FSTL5: variants seen among roughly 807,000 people sequenced by gnomAD.
FSTL5 encodes follistatin-related protein 5.
Under a neutral mutation model 89.1 loss-of-function variants are expected in FSTL5, and 62 were observed. The observed-to-expected ratio is 0.70, with a 90% CI of 0.57 to 0.86. The LOEUF (loss-of-function observed/expected upper bound fraction) is 0.86, where lower values mean the gene tolerates loss of function less well. Among genes scored for constraint, FSTL5 ranks in the 40% least tolerant of loss-of-function variants. The pLI, the probability that FSTL5 is intolerant of heterozygous loss-of-function variation, is 0.00. For missense variants in FSTL5, 1,057 were observed against 1,001.6 expected, an observed-to-expected ratio of 1.06 and a Z score of -0.75; for synonymous variants, 383 against 346.2, an observed-to-expected ratio of 1.11 and a Z score of -1.18.
At chr4:161,729,202 T>C (rs1185473690) in intron 6 of FSTL5, among the ~76,000 whole-genome samples, 2 of 152,230 alleles carry the variant, frequency 1.3e-5, no homozygotes, top group African/African-American at 4.8e-5. Flanking sequence ...GTATCTTTTT[T>C]AGAGAGTGTG....
At chr4:161,748,456 T>G (rs2126779092) in intron 6 of FSTL5, among the ~76,000 whole-genome samples, 1 of 152,204 alleles carries the variant, frequency 6.6e-6, no homozygotes, top group African/African-American at 2.4e-5. Context: ...TCCCTAGAGT[T>G]CTCAGAGGTA....
At chr4:161,745,621 C>T (rs530248010) in intron 6 of FSTL5, among the ~76,000 whole-genome samples, 6 of 151,558 alleles carry the variant, frequency 4.0e-5, no homozygotes, top group African/African-American at 1.5e-4. Context: ...GATGGGGCTC[C>T]ACAAAAATTA....
intron 2 of FSTL5, among the ~76,000 whole-genome samples, chr4:162,110,904 G>A (rs1731409299): frequency 1.3e-5 from 2 of 151,762 alleles, no homozygotes; most frequent in African/African-American, 4.8e-5. Context: ...CTAAGCATAG[G>A]ACATAACACT....
chr4:162,155,275 A>G (rs1047850627), intron 1 of FSTL5, among the ~76,000 whole-genome samples: 1 of 152,178 alleles, frequency 6.6e-6, no homozygotes, highest in African/African-American at 2.4e-5. Context: ...TAGAGGTCAG[A>G]AGCAGAAGCA....
intron 10 of FSTL5, among the ~76,000 whole-genome samples, chr4:161,511,075 G>T (rs141505863): frequency 7.9e-5 from 12 of 152,022 alleles, no homozygotes; most frequent in African/African-American, 2.9e-4. Flanking sequence ...TATTAAGATA[G>T]AAATTAAGAA....
chr4:162,067,407 C>T (rs1440537377), intron 2 of FSTL5, among the ~76,000 whole-genome samples: 1 of 151,976 alleles, frequency 6.6e-6, no homozygotes. Context: ...GGGTTGATTC[C>T]ATGTTTTTGC....
chr4:161,836,805 T>C (rs1337639515), intron 4 of FSTL5, among the ~76,000 whole-genome samples: 2 of 152,034 alleles, frequency 1.3e-5, no homozygotes, highest in African/African-American at 4.8e-5. Context: ...AAAGGAGATA[T>C]ATGAAGAGAT....
At chr4:161,735,509 T>TA (rs1383773116) in intron 6 of FSTL5, among the ~76,000 whole-genome samples, 14 of 152,152 alleles carry the variant, frequency 9.2e-5, no homozygotes, top group Admixed American at 3.3e-4. Flanking sequence ...TACATAATTT[T>TA]AAAAAACCAT....
intron 15 of FSTL5, among the ~76,000 whole-genome samples, chr4:161,438,973 T>A (rs1029095958): frequency 1.3e-5 from 2 of 151,922 alleles, no homozygotes; most frequent in African/African-American, 4.8e-5. Flanking sequence ...TTTTTTTTTT[T>A]AACACATTGA....
Position 162,127,166 on chromosome 4 carries a change from TC to T in FSTL5, c.-16-15755del, listed in dbSNP as rs1316495055. Reference sequence around the variant, plus strand: ...TAATAGAAAGTTGTCTTCCCCATTTTCCCCAAAGAGCTAAATCTCCAGGCTG... The same window carrying T: ...TAATAGAAAGTTGTCTTCCCCATTTTCCCAAAGAGCTAAATCTCCAGGCTG... On this transcript the variant is annotated intron_variant, in intron 1 of 15. Transcript: ENST00000306100. Among the ~76,000 whole-genome samples, 66 of 152,130 alleles carry T rather than the reference TC, an allele frequency of 4.3e-4. 1 individual carries two copies. The highest frequency in any genetic ancestry group is 4.3e-3 in the Admixed American group (66 of 15,264).
chr4:161,571,536 T>C (rs989220053), intron 8 of FSTL5, among the ~76,000 whole-genome samples: 8 of 151,876 alleles, frequency 5.3e-5, no homozygotes, highest in Non-Finnish European at 1.2e-4. Context: ...AATGGAACAA[T>C]TAAGAAAAAT....
chr4:162,017,054 G>A (rs1736934837), intron 3 of FSTL5, among the ~76,000 whole-genome samples: 2 of 152,144 alleles, frequency 1.3e-5, no homozygotes. Context: ...TAAAAGTAAA[G>A]TTTTAAAAAA....
chr4:161,576,817 T>C (rs1733224778), intron 8 of FSTL5, among the ~76,000 whole-genome samples: 1 of 152,212 alleles, frequency 6.6e-6, no homozygotes, highest in Admixed American at 6.5e-5. Flanking sequence ...GCCAAAAATT[T>C]GTCATAGAAA....
chr4:161,910,363 A>G (rs1307341530), intron 4 of FSTL5, among the ~76,000 whole-genome samples: 1 of 152,182 alleles, frequency 6.6e-6, no homozygotes, highest in Non-Finnish European at 1.5e-5. Flanking sequence ...TCATACTTAT[A>G]GCTCATAAAT....
intron 3 of FSTL5, among the ~76,000 whole-genome samples, chr4:161,972,129 G>A (rs186410187): frequency 3.3e-5 from 5 of 152,202 alleles, no homozygotes; most frequent in Admixed American, 3.3e-4. Context: ...TTTCGCTCTT[G>A]TCTCCCAGGC....
At chr4:161,482,939 C>T (rs1007153237) in intron 12 of FSTL5, among the ~76,000 whole-genome samples, 5 of 152,136 alleles carry the variant, frequency 3.3e-5, no homozygotes, top group Admixed American at 2.0e-4. Flanking sequence ...AAGACATAAG[C>T]GGAAAGTCTG....
chr4:161,867,200 A>G (rs1235346655), intron 4 of FSTL5, among the ~76,000 whole-genome samples: 2 of 152,038 alleles, frequency 1.3e-5, no homozygotes, highest in Non-Finnish European at 2.9e-5. Context: ...ATTGCAGGTT[A>G]CATAATATTA....
At position 161,455,044 on chromosome 4, in the gene FSTL5, A is replaced by T. The variant is rs888980551; in HGVS notation, c.1801T>A (p.Phe601Ile). 1.2e-5 allele frequency: 19 copies of T among 1,613,684 alleles called. No homozygotes were observed. Among genetic ancestry groups the T allele is most frequent in the Middle Eastern group, 1.7e-4 (1 of 6,060 alleles). ...VGKQFDRVDD[F>I]FIPTTTLIIT... ...ATGAGTGTTGTGGTGGGAATGAAAA[A>T]ATCATCCACTCTGTCAAATTGCTTT... The change falls in exon 15 of 16, where the codon TTT (phenylalanine) becomes ATT (isoleucine). Residue 601 changes from phenylalanine to isoleucine, a missense_variant. This residue lies in a region of FSTL5 where 980 missense variants were observed against 903.2 expected (regional missense o/e 1.08). Coordinates refer to ENST00000306100, the MANE Select transcript of FSTL5 (RefSeq NM_020116.5).
chr4:162,043,441 A>G (rs1738049342), intron 2 of FSTL5: 1 of 152,172 alleles, frequency 6.6e-6, no homozygotes, highest in Non-Finnish European at 1.5e-5. Context: ...CTTTATTGCT[A>G]AAAAATGCTA....
Sources: allele counts gnomAD v4.1 joint callset (sites outside exome capture counted in the v4.1 genomes callset), GRCh38; gene constraint gnomAD v4.1.1; regional missense constraint gnomAD v4.1.1; transcripts MANE v1.5; gene names NCBI Gene and HGNC (gene_info 2026-07-23, HGNC 2026-07-21).